The following ZMAT3 variants were observed in gnomAD, a reference collection of about 807,000 sequenced individuals.
The protein encoded by ZMAT3 is zinc finger matrin-type protein 3.
In ZMAT3, 17 loss-of-function variants were observed where a neutral mutation model predicts 32.3. The ratio of observed to expected loss-of-function variants is 0.53; its 90% CI spans 0.36 to 0.79. The LOEUF is 0.79. ZMAT3 is among the 30% of genes least tolerant of loss of function. The pLI is 0.00. For missense variants in ZMAT3, 329 were observed against 359.7 expected, an observed-to-expected ratio of 0.91 and a Z score of 0.69; for synonymous variants, 120 against 133.1, an observed-to-expected ratio of 0.90 and a Z score of 0.68.
chr3:179,019,924 C>T lies in ZMAT3; in HGVS notation c.*5093G>A, dbSNP rs923995356. Reference sequence around the variant, plus strand: ...TCTTCCAATCAACCACACTGCCATTCACTAAGTACAAACGCAACACAGATC... The same window carrying T: ...TCTTCCAATCAACCACACTGCCATTTACTAAGTACAAACGCAACACAGATC... On this transcript the variant is annotated 3_prime_UTR_variant, in exon 6 of 6. Coordinates refer to ENST00000311417, the MANE Select transcript of ZMAT3 (RefSeq NM_022470.4). The T allele has an allele frequency of 6.6e-6, 1 of 152,124 alleles. No individual in the cohort carries two copies. Among genetic ancestry groups the T allele is most frequent in the African/African-American group, 2.4e-5 (1 of 41,434 alleles). 9.4% of individuals were successfully genotyped at this position (152,124 alleles called of 1,614,324 possible). A position where few individuals can be genotyped will look rare whatever the true frequency, so the allele number is the denominator to read the frequency against.
chr3:179,041,086 T>A (rs1719898089), intron 2 of ZMAT3, among the ~76,000 whole-genome samples: 1 of 152,030 alleles, frequency 6.6e-6, no homozygotes, highest in Admixed American at 6.6e-5. Flanking sequence ...ATAAAGCAAG[T>A]CCTCAGAGAC....
chr3:179,036,926 G>A (rs557341312), intron 2 of ZMAT3, among the ~76,000 whole-genome samples: 36 of 152,070 alleles, frequency 2.4e-4, no homozygotes, highest in Admixed American at 2.0e-4. Context: ...TTTCCAAGCC[G>A]ACCCGTGAAC....
intron 2 of ZMAT3, among the ~76,000 whole-genome samples, chr3:179,053,799 A>C (rs1468953629): frequency 6.6e-6 from 1 of 152,198 alleles, no homozygotes; most frequent in African/African-American, 2.4e-5. Context: ...ACCCTTCAAA[A>C]ATGGCAAGAT....
intron 2 of ZMAT3, among the ~76,000 whole-genome samples, chr3:179,062,924 G>C (rs1576877719): frequency 6.6e-6 from 1 of 152,268 alleles, no homozygotes; most frequent in East Asian, 1.9e-4. Flanking sequence ...CTGCTCATTT[G>C]AGACCCAAAC....
intron 2 of ZMAT3, among the ~76,000 whole-genome samples, chr3:179,052,172 T>C (rs1720600807): frequency 6.6e-6 from 1 of 152,172 alleles, no homozygotes; most frequent in Non-Finnish European, 1.5e-5. Flanking sequence ...AAAAAGCTTC[T>C]GCACAGCAAA....
intron 2 of ZMAT3, among the ~76,000 whole-genome samples, chr3:179,066,378 C>G (rs749470490): frequency 6.6e-6 from 1 of 152,184 alleles, no homozygotes; most frequent in Non-Finnish European, 1.5e-5. Flanking sequence ...ATTATGTCTT[C>G]CCCTAAATAC....
intron 2 of ZMAT3, among the ~76,000 whole-genome samples, chr3:179,062,522 T>G (rs1040916338): frequency 8.6e-5 from 13 of 152,036 alleles, no homozygotes; most frequent in Non-Finnish European, 1.6e-4. Flanking sequence ...AGGGGTAGAC[T>G]AGAGGAGGAG....
intron 2 of ZMAT3, among the ~76,000 whole-genome samples, chr3:179,056,962 C>G (rs1328305016): frequency 6.6e-6 from 1 of 152,166 alleles, no homozygotes; most frequent in Non-Finnish European, 1.5e-5. Context: ...TTGTCCCCAG[C>G]TTGAGGAAGG....
intron 1 of ZMAT3, 37 bp from the exon 2 acceptor site, chr3:179,067,846 C>T: frequency 1.3e-6 from 2 of 1,526,902 alleles, no homozygotes; most frequent in Non-Finnish European, 1.8e-6. Flanking sequence ...AAAAAACTCA[C>T]TTGAAAATCA....
intron 2 of ZMAT3, among the ~76,000 whole-genome samples, chr3:179,049,111 A>C (rs1347233392): frequency 6.6e-6 from 1 of 152,224 alleles, no homozygotes; most frequent in Non-Finnish European, 1.5e-5. Flanking sequence ...GACTAGTCCA[A>C]AAGGAAAACA....
intron 2 of ZMAT3, among the ~76,000 whole-genome samples, chr3:179,045,052 T>C (rs1386276845): frequency 6.6e-6 from 1 of 151,236 alleles, no homozygotes; most frequent in Non-Finnish European, 1.5e-5. Flanking sequence ...TAATAATAAA[T>C]AAAATTAAAT....
chr3:179,051,155 A>G (rs1720534113), intron 2 of ZMAT3, among the ~76,000 whole-genome samples: 1 of 152,216 alleles, frequency 6.6e-6, no homozygotes, highest in African/African-American at 2.4e-5. Context: ...GACAAGAGAA[A>G]GAAATAAAGG....
intron 1 of ZMAT3, among the ~76,000 whole-genome samples, chr3:179,068,746 T>A (rs1721555379): frequency 6.6e-6 from 1 of 152,170 alleles, no homozygotes; most frequent in African/African-American, 2.4e-5. Context: ...ATAGCAGAGG[T>A]GGCAAACAGC....
intron 2 of ZMAT3, among the ~76,000 whole-genome samples, chr3:179,043,783 G>C (rs1028415063): frequency 3.3e-5 from 5 of 152,092 alleles, no homozygotes; most frequent in Admixed American, 3.3e-4. Context: ...AGAGTGAACA[G>C]GCAACCTACA....
In ZMAT3 at chr3:179,059,360, A is replaced by G. The variant is rs189455510; in HGVS notation, c.270+8123T>C. 1.6e-3 allele frequency among the ~76,000 whole-genome samples: 242 copies of G among 152,274 alleles called. 2 individuals are homozygous for G. The highest frequency in any genetic ancestry group is 5.4e-3 in the African/African-American group (224 of 41,550). ...AAATACTTTTGCCTGCAGCTAACCA[A>G]TGGAAATTACTTAAAACGCTTCACC... On this transcript the variant is annotated intron_variant, in intron 2 of 5. Transcript: ENST00000311417.
intron 2 of ZMAT3, among the ~76,000 whole-genome samples, chr3:179,059,552 C>T (rs1423531997): frequency 6.6e-6 from 1 of 152,144 alleles, no homozygotes; most frequent in Non-Finnish European, 1.5e-5. Context: ...TATCTTTAAC[C>T]TCCTTGTTAA....
rs767754282 is a variant in ZMAT3, at chr3:179,067,520, G to A, written c.233C>T (p.Thr78Ile). Residue 78 changes from threonine to isoleucine, a missense_variant, in exon 2 of 6, where the codon ACC (threonine) becomes ATC (isoleucine). Coordinates refer to ENST00000311417, the MANE Select transcript of ZMAT3 (RefSeq NM_022470.4). ...KPLYCKLCNV[T>I]LNSAQQAQAH... Reference sequence around the variant, plus strand: ...CTGGGCTTGCTGTGCAGAGTTCAAGGTGACATTGCAGAGTTTGCAGTACAG... The same window carrying A: ...CTGGGCTTGCTGTGCAGAGTTCAAGATGACATTGCAGAGTTTGCAGTACAG... The A allele has an allele frequency of 5.6e-6, 9 of 1,614,040 alleles. No homozygotes were observed. The highest frequency in any genetic ancestry group is 2.7e-5 in the African/African-American group (2 of 74,902).
intron 2 of ZMAT3, among the ~76,000 whole-genome samples, chr3:179,051,466 A>G (rs142943286): frequency 1.5e-3 from 229 of 152,336 alleles, no homozygotes; most frequent in African/African-American, 4.9e-3. Context: ...AGACCTCTAC[A>G]AAGAAAAGTA....
intron 2 of ZMAT3, among the ~76,000 whole-genome samples, chr3:179,034,652 CTT>C (rs1443978884): frequency 2.0e-5 from 3 of 152,194 alleles, no homozygotes; most frequent in Admixed American, 2.0e-4. Context: ...ACTTTCACGT[CTT>C]AAGAGGCATA....
Sources: gnomAD v4.1 joint callset for allele counts (sites outside exome capture counted in the v4.1 genomes callset) on GRCh38, gnomAD v4.1.1 for gene constraint, MANE v1.5 for transcripts, NCBI Gene and HGNC (gene_info 2026-07-23, HGNC 2026-07-21) for gene names.